ARID3B: variants seen among roughly 807,000 people sequenced by gnomAD.
The protein encoded by ARID3B is AT-rich interaction domain 3B.
In ARID3B, 10 loss-of-function variants were observed where a neutral mutation model predicts 51.9. The observed-to-expected ratio is 0.19, with a 90% CI of 0.12 to 0.33. ARID3B has a LOEUF of 0.33. Ranked by LOEUF, ARID3B falls within the 10% of genes least tolerant of loss-of-function variation. The pLI, the probability that ARID3B is intolerant of heterozygous loss-of-function variation, is 1.00. For missense variants in ARID3B, 483 were observed against 716.3 expected, an observed-to-expected ratio of 0.67 and a Z score of 3.72; for synonymous variants, 205 against 279.5, an observed-to-expected ratio of 0.73 and a Z score of 2.66.
intron 2 of ARID3B, among the ~76,000 whole-genome samples, chr15:74,565,036 A>T (rs570486600): frequency 1.5e-3 from 218 of 149,316 alleles, no homozygotes; most frequent in African/African-American, 3.3e-3. Flanking sequence ...TTTTTTTTTT[A>T]AATTAATTAT....
chr15:74,562,778 G>A (rs961554079), intron 2 of ARID3B, among the ~76,000 whole-genome samples: 5 of 152,196 alleles, frequency 3.3e-5, no homozygotes, highest in Non-Finnish European at 7.3e-5. Context: ...TCCAGTATGG[G>A]AATATGGGAG....
At position 74,591,169 on chromosome 15, in the gene ARID3B, T is replaced by C. The variant is rs2061801253; in HGVS notation, c.900T>C (p.Tyr300=). The C allele has an allele frequency of 6.2e-7, 1 of 1,605,342 alleles. No individual in the cohort carries two copies. The highest frequency in any genetic ancestry group is 8.5e-7 in the Non-Finnish European group (1 of 1,173,208). ...TLRTQYMKYL[Y]AYECEKKALS... The stretch of plus-strand genomic sequence containing the variant: ...CCTCCAGGTACATGAAGTATCTGTA[T>C]GCCTATGAGTGTGAGAAGAAAGCCT... Residue 300 remains tyrosine (Y), a synonymous_variant, in exon 6 of 9, where the codon TAT becomes TAC. Coordinates refer to ENST00000346246, the MANE Select transcript of ARID3B (RefSeq NM_006465.4). The surrounding 1 kb of genome is among the most constrained non-coding windows in gnomAD (Gnocchi z 5.8).
chr15:74,580,449 T>C (rs918874799), intron 4 of ARID3B, among the ~76,000 whole-genome samples: 21 of 152,134 alleles, frequency 1.4e-4, no homozygotes, highest in Non-Finnish European at 1.9e-4. Context: ...GAAACAGAAG[T>C]GTGGTTTCAT....
intron 7 of ARID3B, 129 bp from the exon 8 acceptor site, chr15:74,593,009 G>A (rs2061809475): frequency 7.1e-6 from 5 of 704,934 alleles, no homozygotes; most frequent in Non-Finnish European, 7.1e-6. Context: ...CCTACACTCA[G>A]GAGAAGGTTA....
intron 2 of ARID3B, among the ~76,000 whole-genome samples, chr15:74,551,342 A>G (rs2061636704): frequency 6.6e-6 from 1 of 152,200 alleles, no homozygotes; most frequent in South Asian, 2.1e-4. Context: ...AGCTTAAACC[A>G]TGGCGCTTCT....
At chr15:74,553,381 CTTGTTACTT>C (rs1181678000) in intron 2 of ARID3B, among the ~76,000 whole-genome samples, 1 of 152,108 alleles carries the variant, frequency 6.6e-6, no homozygotes, top group African/African-American at 2.4e-5. Context: ...TTTTGAAATT[CTTGTTACTT>C]AATAAATGCA....
At chr15:74,546,787 T>G (rs1164101695) in intron 2 of ARID3B, among the ~76,000 whole-genome samples, 5 of 152,192 alleles carry the variant, frequency 3.3e-5, no homozygotes, top group African/African-American at 1.2e-4. Context: ...CCCCCAGGAT[T>G]TGGAGATCAA....
At chr15:74,542,402 A>G (rs2061598533) in intron 1 of ARID3B, among the ~76,000 whole-genome samples, 1 of 152,208 alleles carries the variant, frequency 6.6e-6, no homozygotes, top group East Asian at 1.9e-4. Context: ...AGGCAGTAAG[A>G]GGCAAATTGG....
intron 4 of ARID3B, 57 bp from the exon 5 acceptor site, chr15:74,589,763 T>A: frequency 6.5e-7 from 1 of 1,529,878 alleles, no homozygotes; most frequent in South Asian, 1.2e-5. Flanking sequence ...ACACGGAATC[T>A]TTCTTCTCAG....
intron 2 of ARID3B, among the ~76,000 whole-genome samples, chr15:74,563,489 T>TG (rs981928635): frequency 6.6e-6 from 1 of 152,216 alleles, no homozygotes; most frequent in Non-Finnish European, 1.5e-5. Context: ...ATGTGTTGTT[T>TG]GGGGGGAAAA....
intron 2 of ARID3B, among the ~76,000 whole-genome samples, chr15:74,553,678 G>A (rs1454279398): frequency 6.6e-6 from 1 of 152,064 alleles, no homozygotes; most frequent in African/African-American, 2.4e-5. Context: ...GGCCTTATGT[G>A]TGATTAGTTT....
At chr15:74,590,153 C>T (rs2061798013) in intron 5 of ARID3B, 150 bp downstream of exon 5, 2 of 903,828 alleles carry the variant, frequency 2.2e-6, no homozygotes, top group East Asian at 2.7e-5. Flanking sequence ...ATGAATCCCT[C>T]ACTAAACCAA....
chr15:74,556,160 CA>C (rs1490508739), intron 2 of ARID3B, among the ~76,000 whole-genome samples: 2 of 152,086 alleles, frequency 1.3e-5, no homozygotes, highest in African/African-American at 4.8e-5. Context: ...AAGTGAGAGA[CA>C]TACAACTCTT....
At chr15:74,579,785 G>A (rs1042836346) in intron 4 of ARID3B, among the ~76,000 whole-genome samples, 9 of 150,934 alleles carry the variant, frequency 6.0e-5, no homozygotes, top group Non-Finnish European at 5.9e-5. Flanking sequence ...GAAAAGACTG[G>A]TTAGGTTTAG....
rs2061832311 is a variant in ARID3B at position 74,597,428 on chromosome 15, T to TACCTCAGCCCGGTA, written c.*1656_*1669dup. 2.1e-6 allele frequency: 1 copy of TACCTCAGCCCGGTA among 468,532 alleles called. No individual in the cohort carries two copies. Among genetic ancestry groups the TACCTCAGCCCGGTA allele is most frequent in the African/African-American group, 2.0e-5 (1 of 50,816 alleles). The allele number at this position is 468,532 out of a possible 1,614,324, so 29.0% of individuals were successfully genotyped here. A position where few individuals can be genotyped will look rare whatever the true frequency, so the allele number is the denominator to read the frequency against. ...AATCAAAAGCTTGAGCACAAACAGA[T>TACCTCAGCCCGGTA]ACCTCAGCCCGGTAAGCTGCAGCTC... On this transcript the variant is annotated 3_prime_UTR_variant, in exon 9 of 9. Transcript: ENST00000346246.
intron 4 of ARID3B, 55 bp from the exon 5 acceptor site, chr15:74,589,765 T>C (rs914816053): frequency 6.5e-6 from 10 of 1,530,546 alleles, no homozygotes; most frequent in Non-Finnish European, 6.2e-6. Flanking sequence ...ACGGAATCTT[T>C]CTTCTCAGCC....
chr15:74,563,501 A>G (rs779484708), intron 2 of ARID3B, among the ~76,000 whole-genome samples: 2 of 152,182 alleles, frequency 1.3e-5, no homozygotes, highest in South Asian at 2.1e-4. Context: ...GGGGGAAAAA[A>G]AAGTTTTATG....
Position 74,591,204 on chromosome 15 carries a change from C to T in ARID3B, c.935C>T (p.Pro312Leu). The change falls in exon 6 of 9, where the codon CCA becomes CTA. Residue 312 changes from proline (P) to leucine (L), a missense_variant. Physicochemically the swap from Pro to Leu is moderately conservative, Grantham distance 98. Transcript: ENST00000346246. The surrounding 1 kb of genome is among the most constrained non-coding windows in gnomAD (Gnocchi z 5.8). ...TGTGAGAAGAAAGCCTTGAGTTCCC[C>T]AGCCGAGCTCCAGGCAGCAATTGAT... ...YECEKKALSSPAELQAAIDGN... is the reference protein window; with the variant it reads ...YECEKKALSSLAELQAAIDGN... 1.2e-6 allele frequency: 2 copies of T among 1,613,290 alleles called. No homozygotes were observed. The highest frequency in any genetic ancestry group is 1.7e-6 in the Non-Finnish European group (2 of 1,179,374).
chr15:74,544,104 A>T lies in ARID3B; in HGVS notation c.168A>T (p.Thr56=). 1 of 1,614,000 alleles carries T rather than the reference A, an allele frequency of 6.2e-7. No individual in the cohort carries two copies. Among genetic ancestry groups the T allele is most frequent in the Non-Finnish European group, 8.5e-7 (1 of 1,179,878 alleles). The change falls in exon 2 of 9, where the codon ACA becomes ACT. Residue 56 remains threonine, a synonymous_variant. Coordinates refer to ENST00000346246, the MANE Select transcript of ARID3B (RefSeq NM_006465.4). ...CACAGCCGACTCTCCTTTCCGCCAC[A>T]GCTGGGAGACCTTCTGGCAGCACTC... ...LVTQPTLLSA[T]AGRPSGSTPL...
Sources: allele counts gnomAD v4.1 joint callset (sites outside exome capture counted in the v4.1 genomes callset), GRCh38; gene constraint gnomAD v4.1.1; non-coding constraint Gnocchi (gnomAD v3.1); transcripts MANE v1.5; gene names NCBI Gene and HGNC (gene_info 2026-07-23, HGNC 2026-07-21).